The following LAMA4 variants were observed in gnomAD, a reference collection of about 807,000 sequenced individuals.
The protein encoded by LAMA4 is laminin subunit alpha 4, also known as laminin subunit alpha-4.
LAMA4 carries 127 observed loss-of-function variants against 207.1 expected under a neutral mutation model. The ratio of observed to expected loss-of-function variants is 0.61; its 90% CI spans 0.53 to 0.71. LAMA4 has a LOEUF of 0.71. Among genes scored for constraint, LAMA4 ranks in the 30% least tolerant of loss-of-function variants. The pLI is 0.00. For missense variants in LAMA4, 2,093 were observed against 2,246.5 expected, an observed-to-expected ratio of 0.93 and a Z score of 1.38; for synonymous variants, 761 against 816.0, an observed-to-expected ratio of 0.93 and a Z score of 1.15.
chr6:112,160,098 T>C (rs138094518), intron 13 of LAMA4, among the ~76,000 whole-genome samples: 317 of 152,286 alleles, frequency 2.1e-3, no homozygotes, highest in African/African-American at 6.8e-3. Flanking sequence ...GGCAACCTCC[T>C]TGGTCTCTGT....
At chr6:112,160,570 C>G (rs782072932) in intron 13 of LAMA4, among the ~76,000 whole-genome samples, 1 of 152,210 alleles carries the variant, frequency 6.6e-6, no homozygotes, top group Non-Finnish European at 1.5e-5. Context: ...ACACCTGGCC[C>G]CAAATCTCCA....
Position 112,144,802 on chromosome 6 carries a change from C to A in LAMA4, c.2485G>T (p.Ala829Ser). The change falls in exon 19 of 39, where the codon GCC (alanine) becomes TCC (serine). Residue 829 changes from alanine (A) to serine (S), a missense_variant. Ala to Ser is a moderately conservative substitution (Grantham distance 99). Around this residue, in one of 3 missense-constraint regions of LAMA4, gnomAD observed 1,704 missense variants for 1,788.4 expected, o/e 0.95. Coordinates refer to ENST00000230538, the MANE Select transcript of LAMA4 (RefSeq NM_001105206.3). ...GTCTTTTCATCAGTTACCTTGCTGG[C>A]AACACTTCTGGTCTGAGCAATGAGC... ...RELIAQTRSV[A>S]SKIQVSMMFD... 2.5e-6 allele frequency: 4 copies of A among 1,613,432 alleles called. No homozygotes were observed. Among genetic ancestry groups the A allele is most frequent in the Non-Finnish European group, 3.4e-6 (4 of 1,179,996 alleles).
intron 14 of LAMA4, among the ~76,000 whole-genome samples, chr6:112,157,053 T>G (rs1240837291): frequency 6.6e-6 from 1 of 152,148 alleles, no homozygotes; most frequent in Non-Finnish European, 1.5e-5. Context: ...AAGGCAAAAG[T>G]GTCTAGGGCC....
At chr6:112,165,297 G>A (rs1554339638) in intron 12 of LAMA4, 21 bp from the exon 13 acceptor site, 3 of 1,459,656 alleles carry the variant, frequency 2.1e-6, no homozygotes, top group East Asian at 2.3e-5. Flanking sequence ...GAAGAGTAAG[G>A]GAGAGTGAAG....
chr6:112,132,543 G>A (rs919205319), intron 28 of LAMA4, among the ~76,000 whole-genome samples: 2 of 152,102 alleles, frequency 1.3e-5, no homozygotes, highest in Non-Finnish European at 2.9e-5. Flanking sequence ...GAACCCTTGG[G>A]GGTGGGTCTA....
rs149777363 is a variant in LAMA4 at position 112,175,368 on chromosome 6, T to C, written c.1302A>G (p.Gln434=). The stretch of plus-strand genomic sequence containing the variant: ...CGAGCTCCCGTTGGGTGAAAAATGG[T>C]TGACGGCTTCTAATCTCTTCAAGCA... The part of the protein sequence containing the change: ...QKMLEEIRSR[Q]PFFTQRELVD... The change falls in exon 11 of 39, where the codon CAA becomes CAG. Residue 434 remains glutamine, a synonymous_variant. Coordinates refer to ENST00000230538, the MANE Select transcript of LAMA4 (RefSeq NM_001105206.3). The C allele has an allele frequency of 1.4e-5, 22 of 1,614,078 alleles. No homozygotes were observed. The highest frequency in any genetic ancestry group is 1.9e-5 in the Non-Finnish European group (22 of 1,180,032).
intron 8 of LAMA4, among the ~76,000 whole-genome samples, chr6:112,185,656 C>T (rs930964184): frequency 3.9e-5 from 6 of 152,112 alleles, no homozygotes; most frequent in Non-Finnish European, 7.4e-5. Context: ...CTGGTGGTGG[C>T]CCTGGGTGTC....
At chr6:112,173,034 G>A (rs1781815541) in intron 11 of LAMA4, among the ~76,000 whole-genome samples, 1 of 152,130 alleles carries the variant, frequency 6.6e-6, no homozygotes, top group Non-Finnish European at 1.5e-5. Context: ...GGTTTGATTA[G>A]TTTTCCCACA....
intron 9 of LAMA4, 50 bp downstream of exon 9, chr6:112,185,186 TA>T: frequency 8.0e-7 from 1 of 1,250,498 alleles, no homozygotes; most frequent in Non-Finnish European, 1.2e-6. Context: ...TCACATCAGC[TA>T]AATCCTTTCT....
At chr6:112,174,638 A>G (rs1179438900) in intron 11 of LAMA4, among the ~76,000 whole-genome samples, 2 of 152,150 alleles carry the variant, frequency 1.3e-5, no homozygotes, top group African/African-American at 2.4e-5. Flanking sequence ...GACTACAGGC[A>G]CATGCCACCA....
In LAMA4 at chr6:112,133,539, T is replaced by A. The variant is rs529950556; in HGVS notation, c.3558-52A>T. On this transcript the variant is annotated intron_variant, in intron 26 of 38. Coordinates refer to ENST00000230538, the MANE Select transcript of LAMA4 (RefSeq NM_001105206.3). ...TACAGCCATGATGATGATGTTACCC[T>A]GCATATGTAGGCTATGGAATTTGCA... The A allele has an allele frequency of 1.9e-5, 30 of 1,605,156 alleles. No individual in the cohort carries two copies. In the South Asian group the frequency reaches 2.9e-4, roughly 15 times the overall value.
At chr6:112,175,592 G>C in intron 10 of LAMA4, 112 bp from the exon 11 acceptor site, 6 of 1,050,028 alleles carry the variant, frequency 5.7e-6, no homozygotes, top group Non-Finnish European at 8.8e-6. Flanking sequence ...GAAATGGAAA[G>C]AGAGACTCAT....
At position 112,153,478 on chromosome 6, in the gene LAMA4, A is replaced by G. The variant is rs560748307; in HGVS notation, c.2056+1373T>C. ...GCTAATGCAGAGAGATTTATCAGAC[A>G]TAAAATATGGAACTTTGAAGGGATG... On this transcript the variant is annotated intron_variant, in intron 16 of 38. Transcript: ENST00000230538. Among the ~76,000 whole-genome samples the G allele has an allele frequency of 1.1e-4, 16 of 152,288 alleles. 1 individual carries two copies. In the South Asian group the frequency reaches 3.3e-3, roughly 32 times the overall value.
rs1409247176 is a variant in LAMA4, at chr6:112,248,706, A to G, written c.195+5250T>C. On this transcript the variant is annotated intron_variant, in intron 2 of 38. Coordinates refer to ENST00000230538, the MANE Select transcript of LAMA4 (RefSeq NM_001105206.3). ...ACTGTTATGAATTTCCTACTTATTA[A>G]TCTAAATCAACAGCTTTTAAGATAG... 3.3e-5 allele frequency among the ~76,000 whole-genome samples: 5 copies of G among 152,100 alleles called. 1 individual carries two copies. Among genetic ancestry groups the G allele is most frequent in the African/African-American group, 1.2e-4 (5 of 41,428 alleles).
chr6:112,133,096 G>A (rs1185183289), intron 27 of LAMA4, among the ~76,000 whole-genome samples: 1 of 152,192 alleles, frequency 6.6e-6, no homozygotes, highest in Non-Finnish European at 1.5e-5. Context: ...TCCAACCTGA[G>A]TGAACAATGA....
intron 29 of LAMA4, among the ~76,000 whole-genome samples, chr6:112,130,533 T>G (rs1328591350): frequency 6.6e-6 from 1 of 152,034 alleles, no homozygotes; most frequent in African/African-American, 2.4e-5. Context: ...AATTTCTTAT[T>G]ATGAAAAATA....
Position 112,136,190 on chromosome 6 carries a change from C to A in LAMA4, c.3347G>T (p.Ser1116Ile). ...ATCTTCAAGATGCACAGGGCCACCG[C>A]TGAATCCAAAATCATAGAACACATG... Reference protein sequence around the residue: ...YLHVFYDFGFSGGPVHLEDTL... With the variant: ...YLHVFYDFGFIGGPVHLEDTL... The change falls in exon 25 of 39, where the codon AGC becomes ATC. Residue 1116 changes from serine (S) to isoleucine (I), a missense_variant. Ser to Ile is a moderately radical substitution (Grantham distance 142). Coordinates refer to ENST00000230538, the MANE Select transcript of LAMA4 (RefSeq NM_001105206.3). 6.2e-7 allele frequency: 1 copy of A among 1,612,558 alleles called. No individual in the cohort carries two copies. The highest frequency in any genetic ancestry group is 8.5e-7 in the Non-Finnish European group (1 of 1,178,708).
intron 10 of LAMA4, among the ~76,000 whole-genome samples, chr6:112,177,120 A>T (rs1782068944): frequency 6.6e-6 from 1 of 152,246 alleles, no homozygotes; most frequent in African/African-American, 2.4e-5. Flanking sequence ...AATGCTATAG[A>T]AAAAGAATAT....
At chr6:112,190,926 TC>T (rs1562714294) in intron 6 of LAMA4, among the ~76,000 whole-genome samples, 4 of 93,614 alleles carry the variant, frequency 4.3e-5, no homozygotes, top group East Asian at 3.5e-4. Flanking sequence ...TTTCTTTCTT[TC>T]TTTCTTTCTT....
Sources: gnomAD v4.1 joint callset for allele counts (sites outside exome capture counted in the v4.1 genomes callset) on GRCh38, gnomAD v4.1.1 for gene constraint, gnomAD v4.1.1 regional missense constraint, MANE v1.5 for transcripts, NCBI Gene and HGNC (gene_info 2026-07-23, HGNC 2026-07-21) for gene names.